The following ROBO1 variants were observed in gnomAD, a reference collection of about 807,000 sequenced individuals.
ROBO1 encodes the protein roundabout guidance receptor 1, also known as roundabout homolog 1.
A neutral mutation model predicts 195.9 loss-of-function variants in ROBO1; 149 were observed. The ratio of observed to expected loss-of-function variants is 0.76; its 90% CI spans 0.67 to 0.87. The LOEUF (loss-of-function observed/expected upper bound fraction) is 0.87. Among genes scored for constraint, ROBO1 ranks in the 40% least tolerant of loss-of-function variants. The pLI is 0.00. For synonymous variants in ROBO1, 816 were observed against 733.2 expected (o/e 1.11, Z -1.82); for missense variants, 1,933 against 2,068.3 (o/e 0.93, Z 1.27).
intron 1 of ROBO1, among the ~76,000 whole-genome samples, chr3:79,595,598 A>G (rs189786345): frequency 2.0e-4 from 31 of 151,526 alleles, no homozygotes; most frequent in African/African-American, 7.5e-4. Flanking sequence ...GCTCTGCAAA[A>G]CCAAACTATT....
chr3:79,734,656 T>G (rs1286335844), intron 1 of ROBO1, among the ~76,000 whole-genome samples: 2 of 152,194 alleles, frequency 1.3e-5, no homozygotes, highest in Non-Finnish European at 2.9e-5. Flanking sequence ...CACACAAAAC[T>G]TCTTGCTCTA....
Position 78,639,844 on chromosome 3 carries a change from C to A in ROBO1, c.2937G>T (p.Thr979=), listed in dbSNP as rs1400207008. The change falls in exon 22 of 31, where the codon ACG becomes ACT. Residue 979 remains threonine (T), a synonymous_variant. Coordinates refer to ENST00000464233, the MANE Select transcript of ROBO1 (RefSeq NM_002941.4). ...EPAAQPWLAD[T]WPNTGNNHND... is the part of the protein sequence containing the mutation. ...TGTGGTTGTTGCCAGTATTAGGCCA[C>A]GTGTCTGCCAGCCATGGCTGCGCGG... 3 of 1,612,602 alleles carry A rather than the reference C, an allele frequency of 1.9e-6. No homozygotes were observed.
chr3:78,777,368 T>C (rs2083536196), intron 4 of ROBO1, among the ~76,000 whole-genome samples: 1 of 152,178 alleles, frequency 6.6e-6, no homozygotes, highest in African/African-American at 2.4e-5. Context: ...ACAAAAGACA[T>C]GCTGAGACAG....
chr3:78,801,887 C>T (rs1361764675), intron 4 of ROBO1, among the ~76,000 whole-genome samples: 1 of 152,024 alleles, frequency 6.6e-6, no homozygotes, highest in Non-Finnish European at 1.5e-5. Context: ...GAAACACTTC[C>T]TGTGGATTTG....
At chr3:79,258,938 A>G (rs1414944578) in intron 2 of ROBO1, among the ~76,000 whole-genome samples, 4 of 152,100 alleles carry the variant, frequency 2.6e-5, no homozygotes, top group African/African-American at 4.8e-5. Context: ...CATTCATACT[A>G]TGTGCCATTT....
chr3:79,429,387 C>G (rs1413154798), intron 2 of ROBO1, among the ~76,000 whole-genome samples: 2 of 152,056 alleles, frequency 1.3e-5, no homozygotes, highest in Admixed American at 1.3e-4. Flanking sequence ...ATTCAAGATC[C>G]AGGGTCCACA....
chr3:79,575,141 A>T (rs991317309), intron 2 of ROBO1, among the ~76,000 whole-genome samples: 4 of 87,312 alleles, frequency 4.6e-5, no homozygotes, highest in South Asian at 3.4e-4. Context: ...ATATATAACA[A>T]ATATATAAAT....
intron 8 of ROBO1, among the ~76,000 whole-genome samples, chr3:78,711,378 CCTTCCTTCCTTCCTTCCTTCCTTTCTTT>C (rs1342774628): frequency 3.2e-5 from 1 of 31,364 alleles, no homozygotes; most frequent in African/African-American, 1.0e-4. Context: ...TTCCTTCCTT[CCTTCCTTCCTTCCTTCCTTCCTTTCTTT>C]CTTTCTTTCT....
chr3:78,789,704 T>C (rs1284436677), intron 4 of ROBO1, among the ~76,000 whole-genome samples: 1 of 152,200 alleles, frequency 6.6e-6, no homozygotes, highest in Non-Finnish European at 1.5e-5. Context: ...CGACTCTCAC[T>C]GCTTCAGTTT....
At chr3:79,533,192 T>A in intron 2 of ROBO1, 1 of 262,500 alleles carries the variant, frequency 3.8e-6, no homozygotes, top group Non-Finnish European at 7.8e-6. Context: ...ACTCTATGAT[T>A]TAGATCTTTG....
intron 8 of ROBO1, among the ~76,000 whole-genome samples, chr3:78,708,389 T>G (rs1044364441): frequency 2.0e-5 from 3 of 151,950 alleles, no homozygotes; most frequent in Non-Finnish European, 4.4e-5. Context: ...GTAAATAGAT[T>G]TTTTTTTCAT....
At chr3:79,356,336 G>A (rs1225690380) in intron 2 of ROBO1, among the ~76,000 whole-genome samples, 1 of 152,164 alleles carries the variant, frequency 6.6e-6, no homozygotes, top group Non-Finnish European at 1.5e-5. Flanking sequence ...GTGAGACTCT[G>A]TCTAAATAAA....
intron 27 of ROBO1, 60 bp downstream of exon 27, chr3:78,617,575 C>A: frequency 6.7e-7 from 1 of 1,497,626 alleles, no homozygotes; most frequent in Non-Finnish European, 9.0e-7. Context: ...ACAGAATCAG[C>A]AACAAACATA....
intron 2 of ROBO1, among the ~76,000 whole-genome samples, chr3:79,330,832 C>T (rs1458606331): frequency 1.3e-5 from 2 of 152,172 alleles, no homozygotes; most frequent in African/African-American, 4.8e-5. Flanking sequence ...CTTTCTCTCA[C>T]TAGCTGCACA....
chr3:78,775,343 T>C (rs140272200), intron 4 of ROBO1, among the ~76,000 whole-genome samples: 9 of 152,264 alleles, frequency 5.9e-5, no homozygotes, highest in African/African-American at 9.6e-5. Flanking sequence ...CCAAACAAAA[T>C]AGGAAAATGT....
chr3:78,673,582 A>ATACG (rs1388472350), intron 10 of ROBO1, among the ~76,000 whole-genome samples: 1 of 64,128 alleles, frequency 1.6e-5, no homozygotes, highest in African/African-American at 4.7e-5. Flanking sequence ...ATATATATAT[A>ATACG]TATATATATA....
At chr3:78,963,545 G>A (rs2041511698) in intron 3 of ROBO1, among the ~76,000 whole-genome samples, 1 of 110,598 alleles carries the variant, frequency 9.0e-6, no homozygotes, top group East Asian at 2.9e-4. Flanking sequence ...TTGAGACGGA[G>A]TCTCGCTCTG....
At chr3:79,507,509 T>C (rs954220724) in intron 2 of ROBO1, among the ~76,000 whole-genome samples, 1 of 152,206 alleles carries the variant, frequency 6.6e-6, no homozygotes, top group Admixed American at 6.5e-5. Context: ...CATGCTTTCC[T>C]TTGTTTTGGG....
chr3:79,540,939 C>A (rs560841710), intron 2 of ROBO1, among the ~76,000 whole-genome samples: 1 of 151,962 alleles, frequency 6.6e-6, no homozygotes. Context: ...TTGCATTTTG[C>A]AAAATAATGC....
Sources: allele counts gnomAD v4.1 joint callset (sites outside exome capture counted in the v4.1 genomes callset), GRCh38; gene constraint gnomAD v4.1.1; transcripts MANE v1.5; gene names NCBI Gene and HGNC (gene_info 2026-07-23, HGNC 2026-07-21).